The following GXYLT1 variants were observed in gnomAD, a reference collection of about 807,000 sequenced individuals.
GXYLT1 encodes the protein glycosyltransferase 8 domain containing 3.
In GXYLT1, 29 loss-of-function variants were observed where a neutral mutation model predicts 54.0. The observed-to-expected ratio is 0.54, with a 90% confidence interval of 0.40 to 0.73. The LOEUF (loss-of-function observed/expected upper bound fraction) is 0.73. GXYLT1 is among the 30% of genes least tolerant of loss of function. The pLI is 0.00. For missense variants in GXYLT1, 490 were observed against 553.4 expected (o/e 0.89, Z 1.15); for synonymous variants, 176 against 204.1 (o/e 0.86, Z 1.17).
intron 4 of GXYLT1, among the ~76,000 whole-genome samples, chr12:42,109,299 A>G (rs2065438271): frequency 6.6e-6 from 1 of 152,166 alleles, no homozygotes; most frequent in Non-Finnish European, 1.5e-5. Context: ...TTACAGATAA[A>G]AGAGTTCACC....
At chr12:42,125,658 G>A (rs2065556403) in intron 2 of GXYLT1, among the ~76,000 whole-genome samples, 1 of 152,158 alleles carries the variant, frequency 6.6e-6, no homozygotes, top group African/African-American at 2.4e-5. Flanking sequence ...ATTCAGAGGT[G>A]GGGTGATGAC....
rs755623522 is a variant in GXYLT1 at position 42,084,070 on chromosome 12, A to T, written c.*3716T>A. The T allele has an allele frequency of 1.3e-5, 2 of 152,234 alleles. No individual in the cohort carries two copies. Among genetic ancestry groups the T allele is most frequent in the Non-Finnish European group, 2.9e-5 (2 of 68,074 alleles). 9.4% of individuals were successfully genotyped at this position (152,234 alleles called of 1,614,324 possible). A position where few individuals can be genotyped will look rare whatever the true frequency, so the allele number is the denominator to read the frequency against. On this transcript the variant is annotated 3_prime_UTR_variant, in exon 8 of 8. Coordinates refer to ENST00000398675, the MANE Select transcript of GXYLT1 (RefSeq NM_173601.2). ...ACTCTAGTACTAACAAACCAAATAC[A>T]GCAGGCCCTGCTGCCCCATTCCATG... is the stretch of plus-strand genomic sequence containing the variant.
chr12:42,100,920 A>G (rs2065386114), intron 5 of GXYLT1, among the ~76,000 whole-genome samples: 1 of 151,924 alleles, frequency 6.6e-6, no homozygotes, highest in Non-Finnish European at 1.5e-5. Flanking sequence ...TTTAAATTAT[A>G]AAAACCAATA....
intron 1 of GXYLT1, among the ~76,000 whole-genome samples, chr12:42,134,658 T>C (rs1010894974): frequency 2.0e-5 from 3 of 152,226 alleles, no homozygotes; most frequent in Non-Finnish European, 4.4e-5. Flanking sequence ...TTCATGTTCC[T>C]ATACCTGCAA....
intron 1 of GXYLT1, 95 bp from the exon 2 acceptor site, chr12:42,129,946 A>C (rs555771244): frequency 1.4e-6 from 1 of 713,850 alleles, no homozygotes; most frequent in African/African-American, 1.8e-5. Flanking sequence ...TTACTGTTCT[A>C]TTTTAAAGCA....
intron 2 of GXYLT1, among the ~76,000 whole-genome samples, chr12:42,127,401 G>A (rs2065569453): frequency 6.6e-6 from 1 of 152,142 alleles, no homozygotes; most frequent in South Asian, 2.1e-4. Context: ...ATTACGGGTA[G>A]AAAGTATAAC....
intron 7 of GXYLT1, among the ~76,000 whole-genome samples, chr12:42,090,764 G>C (rs1045782108): frequency 6.6e-6 from 1 of 152,160 alleles, no homozygotes; most frequent in Admixed American, 6.5e-5. Context: ...AGAGAGTTTT[G>C]CAAATATAAG....
At chr12:42,139,037 C>CAAA (rs560482231) in intron 1 of GXYLT1, among the ~76,000 whole-genome samples, 1 of 129,882 alleles carries the variant, frequency 7.7e-6, no homozygotes, top group East Asian at 2.3e-4. Context: ...GACTCTGTCT[C>CAAA]AAAAAAAAAA....
At chr12:42,134,491 G>A (rs982693985) in intron 1 of GXYLT1, among the ~76,000 whole-genome samples, 1 of 151,978 alleles carries the variant, frequency 6.6e-6, no homozygotes, top group Non-Finnish European at 1.5e-5. Context: ...AAAATTTTTT[G>A]TAGAGACAAA....
chr12:42,106,543 C>T (rs1029213770), intron 4 of GXYLT1, among the ~76,000 whole-genome samples: 1 of 151,974 alleles, frequency 6.6e-6, no homozygotes, highest in Non-Finnish European at 1.5e-5. Context: ...CAAACTGGAA[C>T]CCAGGCAATC....
rs1415569641 is a variant in GXYLT1, at chr12:42,086,329, G to T, written c.*1457C>A. 6.6e-6 allele frequency: 1 copy of T among 152,254 alleles called. No individual in the cohort carries two copies. The highest frequency in any genetic ancestry group is 1.5e-5 in the Non-Finnish European group (1 of 68,076). 9.4% of individuals were successfully genotyped at this position (152,254 alleles called of 1,614,324 possible). A position where few individuals can be genotyped will look rare whatever the true frequency, so the allele number is the denominator to read the frequency against. On this transcript the variant is annotated 3_prime_UTR_variant, in exon 8 of 8. Transcript: ENST00000398675. ...CTCTCAATTTGTCCCTGACTGAACT[G>T]CAGACGACAGAACAACTGTACTAAC...
intron 1 of GXYLT1, among the ~76,000 whole-genome samples, chr12:42,138,105 T>C (rs1055819034): frequency 2.6e-5 from 4 of 151,568 alleles, no homozygotes; most frequent in Non-Finnish European, 5.9e-5. Context: ...CTATCTCTAC[T>C]AAAAATAAAA....
chr12:42,092,859 GA>G (rs202078458), intron 7 of GXYLT1, among the ~76,000 whole-genome samples: 75 of 149,254 alleles, frequency 5.0e-4, no homozygotes, highest in African/African-American at 1.7e-3. Context: ...AATGAGCTAA[GA>G]AAAAAAAAAT....
At chr12:42,117,784 T>C (rs182720860) in intron 3 of GXYLT1, among the ~76,000 whole-genome samples, 15 of 152,198 alleles carry the variant, frequency 9.9e-5, no homozygotes, top group African/African-American at 3.1e-4. Flanking sequence ...TTGTTGTTGT[T>C]GTTGTTAAGG....
At chr12:42,110,159 C>T (rs779302630) in intron 3 of GXYLT1, among the ~76,000 whole-genome samples, 1 of 152,084 alleles carries the variant, frequency 6.6e-6, no homozygotes, top group African/African-American at 2.4e-5. Flanking sequence ...TTTAATATGC[C>T]TAAATATTTC....
intron 1 of GXYLT1, among the ~76,000 whole-genome samples, chr12:42,132,047 T>C (rs1477445902): frequency 6.6e-6 from 1 of 152,210 alleles, no homozygotes; most frequent in East Asian, 1.9e-4. Flanking sequence ...CAAAAACAAA[T>C]TCAATTTTTC....
rs1214956245 is a variant in GXYLT1, at chr12:42,114,561, C to T, written c.486+4439G>A. Among the ~76,000 whole-genome samples the T allele has an allele frequency of 1.1e-4, 16 of 152,116 alleles. No homozygotes were observed. In the South Asian group the frequency reaches 2.7e-3, roughly 26 times the overall value. On this transcript the variant is annotated intron_variant, in intron 3 of 7. Transcript: ENST00000398675. ...TGGATAAATTCCTCGACACATACAT[C>T]CTCCCAAGACTAAACCAGGAAGAAG...
intron 3 of GXYLT1, among the ~76,000 whole-genome samples, chr12:42,112,782 TAC>T (rs2065466869): frequency 1.3e-5 from 2 of 150,936 alleles, no homozygotes; most frequent in African/African-American, 5.0e-5. Flanking sequence ...ATTCAGGAAA[TAC>T]AGAGAACGCC....
At chr12:42,125,382 G>A (rs886257100) in intron 2 of GXYLT1, among the ~76,000 whole-genome samples, 1 of 152,162 alleles carries the variant, frequency 6.6e-6, no homozygotes, top group Non-Finnish European at 1.5e-5. Flanking sequence ...TACAGGTCTG[G>A]CTCTCAGAAA....
Sources: gnomAD v4.1 joint callset for allele counts (sites outside exome capture counted in the v4.1 genomes callset) on GRCh38, gnomAD v4.1.1 for gene constraint, MANE v1.5 for transcripts, NCBI Gene and HGNC (gene_info 2026-07-23, HGNC 2026-07-21) for gene names.